The following DIPK1A variants were observed in gnomAD, a reference collection of about 807,000 sequenced individuals.
DIPK1A encodes the protein family with sequence similarity 69 member A.
Under a neutral mutation model 40.8 loss-of-function variants are expected in DIPK1A, and 27 were observed. The observed-to-expected ratio is 0.66, with a 90% CI of 0.49 to 0.91. The LOEUF is 0.91. DIPK1A is among the 40% of genes least tolerant of loss of function. The probability of loss-of-function intolerance (pLI) is 0.00; values close to 1 mark genes in which losing one functional copy is unlikely to be tolerated. For synonymous variants in DIPK1A, 166 were observed against 171.3 expected, an observed-to-expected ratio of 0.97 and a Z score of 0.24; for missense variants, 412 against 505.7, an observed-to-expected ratio of 0.81 and a Z score of 1.78.
intron 2 of DIPK1A, among the ~76,000 whole-genome samples, chr1:92,870,803 G>A (rs1274162589): frequency 6.6e-6 from 1 of 152,162 alleles, no homozygotes; most frequent in Non-Finnish European, 1.5e-5. Context: ...CATGGATCGG[G>A]GTAAAGGTGG....
chr1:92,833,983 C>T (rs1303325034), intron 4 of DIPK1A: 3 of 347,544 alleles, frequency 8.6e-6, no homozygotes, highest in Admixed American at 4.4e-5. Flanking sequence ...CGGGGCGCAC[C>T]TGTAGTCCCA....
intron 1 of DIPK1A, among the ~76,000 whole-genome samples, chr1:92,884,612 C>A (rs940860840): frequency 3.9e-5 from 6 of 152,014 alleles, no homozygotes; most frequent in Admixed American, 6.6e-5. Context: ...TTTGATTAGG[C>A]CTAACATGCC....
intron 1 of DIPK1A, among the ~76,000 whole-genome samples, chr1:92,953,205 A>G (rs527403202): frequency 2.0e-4 from 30 of 152,096 alleles, no homozygotes; most frequent in Non-Finnish European, 4.1e-4. Context: ...AACTAAAACA[A>G]GGTATCAGCT....
At chr1:92,901,359 T>C (rs180697416) in intron 1 of DIPK1A, among the ~76,000 whole-genome samples, 1 of 152,092 alleles carries the variant, frequency 6.6e-6, no homozygotes, top group Non-Finnish European at 1.5e-5. Flanking sequence ...TGCCAACCTA[T>C]TGTAGCAGCT....
intron 1 of DIPK1A, among the ~76,000 whole-genome samples, chr1:92,890,985 A>G (rs1226941703): frequency 6.6e-6 from 1 of 152,092 alleles, no homozygotes. Flanking sequence ...TCATAGATTC[A>G]ATCTCATTAC....
intron 1 of DIPK1A, chr1:92,930,837 A>G (rs573200195): frequency 6.6e-6 from 1 of 152,284 alleles, no homozygotes; most frequent in African/African-American, 2.4e-5. Flanking sequence ...GGCTTCTTAA[A>G]AGCCTTTTCT....
At chr1:92,833,710 G>T (rs778112670) in intron 4 of DIPK1A, 2 of 1,446,148 alleles carry the variant, frequency 1.4e-6, no homozygotes, top group Admixed American at 1.7e-5. Context: ...GAGAAATTGT[G>T]CTTGGGAAGC....
At chr1:92,839,031 CTT>C (rs35078348), downstream of DIPK1A, among the ~76,000 whole-genome samples, 19 of 118,258 alleles carry the variant, frequency 1.6e-4, no homozygotes, top group Admixed American at 1.8e-4. Flanking sequence ...AGAGTTGCAG[CTT>C]TTTTTTTTTT....
rs1557447621 is a variant in DIPK1A at position 92,844,028 on chromosome 1, A to G, written c.642T>C (p.His214=). Residue 214 remains histidine (H), a synonymous_variant, in exon 5 of 5, where the codon CAT becomes CAC. Coordinates refer to ENST00000370310, the MANE Select transcript of DIPK1A (RefSeq NM_001006605.5). ...CACAGAATCCCATTAATTTGGGGGT[A>G]TGTTCTTTATCTTGAAGTATCACCA... is the stretch of plus-strand genomic sequence containing the variant. The part of the protein sequence containing the change: ...LLMVILQDKE[H]TPKLMGFCGD... The G allele has an allele frequency of 6.4e-7, 1 of 1,552,142 alleles. No homozygotes were observed. Among genetic ancestry groups the G allele is most frequent in the South Asian group, 1.2e-5 (1 of 84,064 alleles).
At chr1:92,901,556 G>C (rs142840918) in intron 1 of DIPK1A, among the ~76,000 whole-genome samples, 1 of 152,034 alleles carries the variant, frequency 6.6e-6, no homozygotes, top group Non-Finnish European at 1.5e-5. Context: ...GTGCTTTGGA[G>C]ATTTGGGGTT....
chr1:92,850,986 T>C, intron 2 of DIPK1A, 31 bp from the exon 3 acceptor site: 1 of 1,340,086 alleles, frequency 7.5e-7, no homozygotes, highest in Non-Finnish European at 1.0e-6. Flanking sequence ...AAGTAGTTAA[T>C]AGAAAAATAT....
chr1:92,876,233 G>A (rs1648118269), intron 2 of DIPK1A, 63 bp downstream of exon 2: 1 of 1,003,354 alleles, frequency 1.0e-6, no homozygotes, highest in Non-Finnish European at 1.4e-6. Flanking sequence ...TAGTAAGTAT[G>A]TAAGCAGTAA....
chr1:92,842,473 A>G lies in DIPK1A; in HGVS notation c.*910T>C, dbSNP rs1020427671. On this transcript the variant is annotated 3_prime_UTR_variant, in exon 5 of 5. Coordinates refer to ENST00000370310, the MANE Select transcript of DIPK1A (RefSeq NM_001006605.5). ...ACTAAACCTTGTATATCAAGTTTAC[A>G]TGGGGAAAAAAACATTAGATAAATA... is the stretch of plus-strand genomic sequence containing the variant. The G allele has an allele frequency of 4.1e-6, 4 of 970,228 alleles. No individual in the cohort carries two copies. Among genetic ancestry groups the G allele is most frequent in the Non-Finnish European group, 4.9e-6 (4 of 819,920 alleles). The allele number at this position is 970,228 out of a possible 1,614,324, so 60.1% of individuals were successfully genotyped here. A position where few individuals can be genotyped will look rare whatever the true frequency, so the allele number is the denominator to read the frequency against.
chr1:92,945,833 G>C (rs1651340169), intron 1 of DIPK1A, among the ~76,000 whole-genome samples: 1 of 152,150 alleles, frequency 6.6e-6, no homozygotes, highest in South Asian at 2.1e-4. Context: ...AGTGTAACCA[G>C]GTAATTATTG....
chr1:92,886,595 T>C (rs1318003699), intron 1 of DIPK1A, among the ~76,000 whole-genome samples: 2 of 152,076 alleles, frequency 1.3e-5, no homozygotes, highest in Non-Finnish European at 1.5e-5. Context: ...CCTATCTGTA[T>C]TGTTGAACAT....
At chr1:92,944,064 T>C (rs1055624599) in intron 1 of DIPK1A, among the ~76,000 whole-genome samples, 33 of 152,146 alleles carry the variant, frequency 2.2e-4, no homozygotes, top group African/African-American at 7.9e-4. Flanking sequence ...AAGAAACAAA[T>C]AACTTTTAAA....
At chr1:92,849,811 C>T (rs538578131) in intron 3 of DIPK1A, among the ~76,000 whole-genome samples, 1 of 151,888 alleles carries the variant, frequency 6.6e-6, no homozygotes, top group South Asian at 2.1e-4. Context: ...CTGTGCCTGG[C>T]CACCCAGCTA....
intron 2 of DIPK1A, among the ~76,000 whole-genome samples, chr1:92,854,488 C>T (rs1194927137): frequency 2.6e-5 from 4 of 152,206 alleles, no homozygotes; most frequent in African/African-American, 4.8e-5. Flanking sequence ...CCTACCAATA[C>T]TCCTTACAGT....
At chr1:92,915,621 T>G (rs1650022628) in intron 1 of DIPK1A, among the ~76,000 whole-genome samples, 1 of 152,150 alleles carries the variant, frequency 6.6e-6, no homozygotes, top group Non-Finnish European at 1.5e-5. Context: ...TGTTAAGAAC[T>G]GGAAGGGGAT....
Sources: gnomAD v4.1 joint callset for allele counts (sites outside exome capture counted in the v4.1 genomes callset) on GRCh38, gnomAD v4.1.1 for gene constraint, MANE v1.5 for transcripts, NCBI Gene and HGNC (gene_info 2026-07-23, HGNC 2026-07-21) for gene names.